Variants in OSBPL10 observed in about 807,000 individuals in gnomAD.
The protein encoded by OSBPL10 is oxysterol-binding protein-related protein 10.
In OSBPL10, 49 loss-of-function variants were observed where a neutral mutation model predicts 81.7. The ratio of observed to expected loss-of-function variants is 0.60; its 90% CI spans 0.48 to 0.76. The LOEUF (loss-of-function observed/expected upper bound fraction) is 0.76. OSBPL10 is among the 30% of genes least tolerant of loss of function. The pLI, the probability that OSBPL10 is intolerant of heterozygous loss-of-function variation, is 0.00. For missense variants in OSBPL10, 923 were observed against 987.8 expected (o/e 0.93, Z 0.88); for synonymous variants, 419 against 383.6 (o/e 1.09, Z -1.08).
chr3:32,047,165 C>G (rs1289818453), intron 1 of OSBPL10, among the ~76,000 whole-genome samples: 1 of 152,080 alleles, frequency 6.6e-6, no homozygotes, highest in Non-Finnish European at 1.5e-5. Flanking sequence ...TTTGTAGAGA[C>G]AGGGTTTTGC....
intron 1 of OSBPL10, among the ~76,000 whole-genome samples, chr3:31,939,551 A>G (rs1697479808): frequency 6.6e-6 from 1 of 151,376 alleles, no homozygotes; most frequent in Non-Finnish European, 1.5e-5. Flanking sequence ...ATCTCTCCCA[A>G]CTTCTCTCCC....
In OSBPL10 at chr3:31,733,272, T is replaced by C; in HGVS notation, c.1080A>G (p.Ser360=). Residue 360 remains serine, a synonymous_variant, in exon 6 of 12, where the codon TCA becomes TCG. Transcript: ENST00000396556. ...GCACGCTTACCTCTGGCTCTGGCTGTGAGGTTTGTTCGTCTTCAGCAGAGT... is the reference window on the plus strand; with the variant it reads ...GCACGCTTACCTCTGGCTCTGGCTGCGAGGTTTGTTCGTCTTCAGCAGAGT... The part of the protein sequence containing the change: ...LPNSAEDEQT[S]QPEPEPNSGS... 1 of 1,612,568 alleles carries C rather than the reference T, an allele frequency of 6.2e-7. No homozygotes were observed. Among genetic ancestry groups the C allele is most frequent in the Non-Finnish European group, 8.5e-7 (1 of 1,179,296 alleles).
chr3:31,940,238 C>T (rs892627428), intron 1 of OSBPL10, among the ~76,000 whole-genome samples: 1 of 152,222 alleles, frequency 6.6e-6, no homozygotes, highest in Non-Finnish European at 1.5e-5. Context: ...CACTACTCAG[C>T]AATGAAAAGG....
intron 2 of OSBPL10, among the ~76,000 whole-genome samples, chr3:32,036,959 C>T (rs548446027): frequency 6.6e-6 from 1 of 152,312 alleles, no homozygotes; most frequent in East Asian, 1.9e-4. Context: ...CTAGTATAGA[C>T]AGGCTGGCTT....
chr3:31,980,374 G>A (rs1484855719), intron 1 of OSBPL10, among the ~76,000 whole-genome samples: 1 of 152,216 alleles, frequency 6.6e-6, no homozygotes, highest in African/African-American at 2.4e-5. Context: ...GCAGGAGTAT[G>A]CACAGTCGCC....
chr3:31,769,925 C>A (rs1225300130), intron 4 of OSBPL10, among the ~76,000 whole-genome samples: 1 of 151,940 alleles, frequency 6.6e-6, no homozygotes, highest in Non-Finnish European at 1.5e-5. Context: ...ATCTATGGAC[C>A]CTGCAATGCC....
At chr3:31,792,188 C>A (rs1329166992) in intron 4 of OSBPL10, among the ~76,000 whole-genome samples, 1 of 150,854 alleles carries the variant, frequency 6.6e-6, no homozygotes, top group Non-Finnish European at 1.5e-5. Flanking sequence ...GTAATCACAC[C>A]ACTGCACTCC....
intron 2 of OSBPL10, among the ~76,000 whole-genome samples, chr3:32,034,432 C>A (rs933900409): frequency 8.0e-6 from 1 of 125,182 alleles, no homozygotes; most frequent in Admixed American, 9.1e-5. Context: ...CAGAGCGAGA[C>A]CCTGTAGCGG....
rs201507517 is a variant in OSBPL10 at position 31,664,209 on chromosome 3, C to T, written c.2120G>A (p.Arg707Gln). The T allele has an allele frequency of 1.8e-5, 29 of 1,612,710 alleles. No homozygotes were observed. The highest frequency in any genetic ancestry group is 2.0e-4 in the Middle Eastern group (1 of 5,010). ...GTCAATGTCCCCCAGCCGCAGGTAT[C>T]GGGTCACCTCCCGCCAGAGGTTCCT... Reference protein sequence around the residue: ...ESRNLWREVTRYLRLGDIDAA... With the variant: ...ESRNLWREVTQYLRLGDIDAA... Residue 707 changes from arginine to glutamine, a missense_variant, in exon 11 of 12, where the codon CGA becomes CAA. Transcript: ENST00000396556.
intron 6 of OSBPL10, among the ~76,000 whole-genome samples, chr3:31,728,932 C>CA (rs1490751518): frequency 6.6e-6 from 1 of 152,140 alleles, no homozygotes; most frequent in Admixed American, 6.5e-5. Flanking sequence ...CAAAATACTC[C>CA]AAGGAGCATT....
At chr3:31,763,676 C>T (rs1698123979) in intron 4 of OSBPL10, among the ~76,000 whole-genome samples, 1 of 152,124 alleles carries the variant, frequency 6.6e-6, no homozygotes, top group South Asian at 2.1e-4. Context: ...CCCAAAGTAG[C>T]AGGCAAGAAC....
At chr3:31,747,556 A>G (rs1400216266) in intron 5 of OSBPL10, among the ~76,000 whole-genome samples, 1 of 151,750 alleles carries the variant, frequency 6.6e-6, no homozygotes, top group East Asian at 1.9e-4. Flanking sequence ...GAGACTTATA[A>G]TGTGATGCCA....
chr3:31,790,508 C>A (rs74926335), intron 4 of OSBPL10, among the ~76,000 whole-genome samples: 2,783 of 152,208 alleles, frequency 0.018, 79 homozygotes, highest in African/African-American at 0.063. Flanking sequence ...CACAGCTGTT[C>A]GCATACACCA....
At chr3:32,016,534 G>A (rs568488426) in intron 2 of OSBPL10, among the ~76,000 whole-genome samples, 101 of 152,114 alleles carry the variant, frequency 6.6e-4, no homozygotes, top group African/African-American at 1.6e-3. Context: ...AACATGGCAC[G>A]TGTATACATA....
chr3:31,982,964 A>C (rs1273801388), upstream of OSBPL10, among the ~76,000 whole-genome samples: 2 of 152,222 alleles, frequency 1.3e-5, no homozygotes, highest in Non-Finnish European at 2.9e-5. Context: ...AAGAGCAGTC[A>C]TATGGTTCCA....
rs1405437536 is a variant in OSBPL10 at position 31,748,109 on chromosome 3, C to T, written c.741G>A (p.Gln247=). 8.1e-6 allele frequency: 13 copies of T among 1,612,630 alleles called. No homozygotes were observed. Among genetic ancestry groups the T allele is most frequent in the Non-Finnish European group, 2.5e-6 (3 of 1,179,336 alleles). The change falls in exon 5 of 12, where the codon CAG becomes CAA. Residue 247 remains glutamine (Q), a synonymous_variant. Transcript: ENST00000396556. ...QLHEVREMMN[Q]VEGQQKNLVH... Reference sequence around the variant, plus strand: ...CAAGGTTCTTCTGCTGCCCTTCCACCTGGTTCATCATCTACAAAACAAGAA... The same window carrying T: ...CAAGGTTCTTCTGCTGCCCTTCCACTTGGTTCATCATCTACAAAACAAGAA...
chr3:31,664,478 T>C (rs1026544479), intron 10 of OSBPL10: 2 of 578,500 alleles, frequency 3.5e-6, no homozygotes, highest in African/African-American at 3.7e-5. Context: ...GCCCGGAGAT[T>C]CTGGGAATCA....
At chr3:31,931,128 T>C (rs1181668040) in intron 1 of OSBPL10, among the ~76,000 whole-genome samples, 1 of 150,794 alleles carries the variant, frequency 6.6e-6, no homozygotes, top group African/African-American at 2.4e-5. Context: ...ATAACACTGG[T>C]GATTATCTTT....
chr3:31,743,197 C>T lies in OSBPL10; in HGVS notation c.940+4713G>A, dbSNP rs912530675. Among the ~76,000 whole-genome samples, 5 of 151,904 alleles carry T rather than the reference C, an allele frequency of 3.3e-5. No homozygotes were observed. In the South Asian group the frequency reaches 6.2e-4, roughly 19 times the overall value. On this transcript the variant is annotated intron_variant, in intron 5 of 11. Coordinates refer to ENST00000396556, the MANE Select transcript of OSBPL10 (RefSeq NM_017784.5). ...CTGAGATTACAGGTGCCCGCCACGACGCCCAGATAATTTTTGTATCTTTAG... is the reference window on the plus strand; with the variant it reads ...CTGAGATTACAGGTGCCCGCCACGATGCCCAGATAATTTTTGTATCTTTAG...
Sources: gnomAD v4.1 joint callset for allele counts (sites outside exome capture counted in the v4.1 genomes callset) on GRCh38, gnomAD v4.1.1 for gene constraint, MANE v1.5 for transcripts, NCBI Gene and HGNC (gene_info 2026-07-23, HGNC 2026-07-21) for gene names.